The following LMBRD1 variants were observed in gnomAD, a reference collection of about 807,000 sequenced individuals.
The protein encoded by LMBRD1 is LMBR1 domain containing 1.
LMBRD1 carries 64 observed loss-of-function variants against 74.8 expected under a neutral mutation model. That is an observed-to-expected ratio of 0.86 (90% confidence interval 0.70 to 1.05). The LOEUF (loss-of-function observed/expected upper bound fraction) is 1.05, where lower values mean the gene tolerates loss of function less well. Ranked by LOEUF, LMBRD1 falls within the 50% of genes least tolerant of loss-of-function variation. The pLI, the probability that LMBRD1 is intolerant of heterozygous loss-of-function variation, is 0.00. For synonymous variants in LMBRD1, 204 were observed against 216.3 expected, an observed-to-expected ratio of 0.94 and a Z score of 0.50; for missense variants, 652 against 645.9, an observed-to-expected ratio of 1.01 and a Z score of -0.10.
intron 7 of LMBRD1, among the ~76,000 whole-genome samples, chr6:69,730,548 C>T (rs1766832745): frequency 6.6e-6 from 1 of 152,110 alleles, no homozygotes; most frequent in Admixed American, 6.5e-5. Flanking sequence ...TAGGCAGAAG[C>T]CATGACATAG....
intron 3 of LMBRD1, among the ~76,000 whole-genome samples, chr6:69,772,968 C>G (rs7763293): frequency 0.089 from 13,554 of 152,182 alleles, 1,571 homozygotes; most frequent in African/African-American, 0.27. Context: ...GTCTCACACT[C>G]CTAACCTTAC....
At chr6:69,755,690 G>C (rs1253503373) in intron 3 of LMBRD1, among the ~76,000 whole-genome samples, 1 of 151,412 alleles carries the variant, frequency 6.6e-6, no homozygotes, top group Non-Finnish European at 1.5e-5. Flanking sequence ...GCCAATATTA[G>C]GATTAACATA....
At position 69,674,028 on chromosome 6, in the gene LMBRD1, T is replaced by C. The variant is rs1747902216; in HGVS notation, c.*2130A>G. The stretch of plus-strand genomic sequence containing the variant: ...GACTCAGTGGCTTAAACAACAGAAA[T>C]TTATTTTCTCACAGATCTGGAAGCT... On this transcript the variant is annotated 3_prime_UTR_variant, in exon 16 of 16. Coordinates refer to ENST00000649934, the MANE Select transcript of LMBRD1 (RefSeq NM_018368.4). Among the ~76,000 whole-genome samples, 1 of 152,154 alleles carries C rather than the reference T, an allele frequency of 6.6e-6. No individual in the cohort carries two copies. The highest frequency in any genetic ancestry group is 2.4e-5 in the African/African-American group (1 of 41,432).
At chr6:69,757,465 T>G (rs1404900287) in intron 3 of LMBRD1, among the ~76,000 whole-genome samples, 1 of 152,182 alleles carries the variant, frequency 6.6e-6, no homozygotes, top group Non-Finnish European at 1.5e-5. Flanking sequence ...GCTCTAAATA[T>G]TTGTTTCCCT....
At chr6:69,788,748 G>GA (rs887081992) in intron 2 of LMBRD1, among the ~76,000 whole-genome samples, 1 of 152,054 alleles carries the variant, frequency 6.6e-6, no homozygotes, top group Non-Finnish European at 1.5e-5. Context: ...TTTATATTTT[G>GA]AAAAAATGTA....
intron 7 of LMBRD1, among the ~76,000 whole-genome samples, chr6:69,722,796 A>T (rs1766644942): frequency 6.6e-6 from 1 of 152,202 alleles, no homozygotes. Context: ...ATCGTAAAAT[A>T]ACCAGAATAT....
chr6:69,763,265 G>A (rs959686619), intron 3 of LMBRD1, among the ~76,000 whole-genome samples: 5 of 151,412 alleles, frequency 3.3e-5, no homozygotes, highest in African/African-American at 9.7e-5. Flanking sequence ...TAAGCAAAAT[G>A]AGCCAGAACT....
At position 69,741,408 on chromosome 6, in the gene LMBRD1, G is replaced by A. The variant is rs373736568; in HGVS notation, c.562+381C>T. 2.8e-4 allele frequency among the ~76,000 whole-genome samples: 42 copies of A among 149,948 alleles called. No homozygotes were observed. In the East Asian group the frequency reaches 7.1e-3, roughly 25 times the overall value. On this transcript the variant is annotated intron_variant, in intron 6 of 15. Transcript: ENST00000649934. ...TTTTTTTTTTTTGAGATGGAGTCTC[G>A]CTCTGTCTTGCTCAGTCCCCCAGGC...
At chr6:69,729,177 A>C in intron 7 of LMBRD1, among the ~76,000 whole-genome samples, 1 of 147,604 alleles carries the variant, frequency 6.8e-6, no homozygotes, top group African/African-American at 2.5e-5. Flanking sequence ...TTTGTCCAAC[A>C]TACACATTTT....
chr6:69,752,396 T>TA (rs1482658497), intron 3 of LMBRD1, 40 bp from the exon 4 acceptor site: 2 of 1,486,264 alleles, frequency 1.3e-6, no homozygotes, highest in South Asian at 2.3e-5. Context: ...ACTAAATACA[T>TA]ATGTACTTAA....
chr6:69,764,181 G>GCCCTAA (rs1454524951), intron 3 of LMBRD1, among the ~76,000 whole-genome samples: 12 of 152,290 alleles, frequency 7.9e-5, no homozygotes, highest in African/African-American at 2.6e-4. Context: ...ATATGTTGAA[G>GCCCTAA]CCCTAACGCC....
Position 69,701,429 on chromosome 6 carries a change from G to C in LMBRD1, c.1083+14C>G. On this transcript the variant is annotated intron_variant, in intron 11 of 15. Transcript: ENST00000649934. ...CTAGCAGCTACAGTATAAAATGATT[G>C]ATATTTTACTTACTGTTTGTAGTAA... 7.1e-7 allele frequency: 1 copy of C among 1,406,352 alleles called. No homozygotes were observed. Among genetic ancestry groups the C allele is most frequent in the Non-Finnish European group, 1.0e-6 (1 of 993,646 alleles). 87.1% of individuals were successfully genotyped at this position (1,406,352 alleles called of 1,614,324 possible).
intron 7 of LMBRD1, among the ~76,000 whole-genome samples, chr6:69,724,850 A>G (rs372050460): frequency 9.2e-5 from 14 of 151,596 alleles, no homozygotes; most frequent in African/African-American, 2.9e-4. Context: ...ATTCAACATG[A>G]AAGTCCTAGC....
intron 3 of LMBRD1, among the ~76,000 whole-genome samples, chr6:69,753,766 C>T (rs1403111392): frequency 6.6e-6 from 1 of 151,994 alleles, no homozygotes; most frequent in African/African-American, 2.4e-5. Flanking sequence ...CGGTGAAACC[C>T]CGTCTCTACT....
chr6:69,724,579 C>T (rs889460234), intron 7 of LMBRD1, among the ~76,000 whole-genome samples: 16 of 148,724 alleles, frequency 1.1e-4, no homozygotes, highest in Non-Finnish European at 1.5e-4. Context: ...TCTAATCAAT[C>T]GTTGTAATAC....
chr6:69,764,293 G>A (rs1487947247), intron 3 of LMBRD1, among the ~76,000 whole-genome samples: 1 of 151,928 alleles, frequency 6.6e-6, no homozygotes, highest in African/African-American at 2.4e-5. Context: ...CTTATAAGAA[G>A]AGAAAGAGAC....
At chr6:69,693,796 A>T (rs1765938730) in intron 14 of LMBRD1, among the ~76,000 whole-genome samples, 2 of 151,914 alleles carry the variant, frequency 1.3e-5, no homozygotes, top group South Asian at 4.1e-4. Flanking sequence ...TAATCTGGTT[A>T]TCTTTCTCTA....
chr6:69,683,858 A>G (rs529873987), intron 14 of LMBRD1, among the ~76,000 whole-genome samples: 1 of 152,080 alleles, frequency 6.6e-6, no homozygotes, highest in Non-Finnish European at 1.5e-5. Flanking sequence ...ATGGAAGGCC[A>G]CATTTAAAAG....
In LMBRD1 at chr6:69,762,906, T is replaced by G. The variant is rs145000894; in HGVS notation, c.308-10550A>C. Among the ~76,000 whole-genome samples the G allele has an allele frequency of 3.5e-3, 539 of 152,204 alleles. 6 individuals carry two copies. The highest frequency in any genetic ancestry group is 0.012 in the African/African-American group (511 of 41,518). ...TCCTAGCTTCCAGAATTGTGAGAAA[T>G]AAATGTTTATTGATTAGGTCACCCA... On this transcript the variant is annotated intron_variant, in intron 3 of 15. Coordinates refer to ENST00000649934, the MANE Select transcript of LMBRD1 (RefSeq NM_018368.4).
Sources: allele counts gnomAD v4.1 joint callset (sites outside exome capture counted in the v4.1 genomes callset), GRCh38; gene constraint gnomAD v4.1.1; transcripts MANE v1.5; gene names NCBI Gene and HGNC (gene_info 2026-07-23, HGNC 2026-07-21).